SLC22A3: variants seen among roughly 807,000 people sequenced by gnomAD.
The protein encoded by SLC22A3 is EMT organic cation transporter 3.
SLC22A3 carries 51 observed loss-of-function variants against 59.1 expected under a neutral mutation model. The ratio of observed to expected loss-of-function variants is 0.86; its 90% CI spans 0.69 to 1.09. The LOEUF is 1.09. Ranked by LOEUF, SLC22A3 falls within the 50% of genes least tolerant of loss-of-function variation. The probability of loss-of-function intolerance (pLI) is 0.00; values close to 1 mark genes in which losing one functional copy is unlikely to be tolerated. For synonymous variants in SLC22A3, 325 were observed against 292.0 expected, an observed-to-expected ratio of 1.11 and a Z score of -1.15; for missense variants, 711 against 726.3, an observed-to-expected ratio of 0.98 and a Z score of 0.24.
In SLC22A3 at chr6:160,443,691, C is replaced by T; in HGVS notation, c.1459C>T (p.Leu487=). The change falls in exon 9 of 11, where the codon CTG becomes TTG. Residue 487 remains leucine (L), a synonymous_variant. Transcript: ENST00000275300. ...TTTTGGGGGAATCATAGCCCCATTT[C>T]TGCTCTTTCGGCTAGCAGCCGTGTG... is the stretch of plus-strand genomic sequence containing the variant. The part of the protein sequence containing the change: ...CDFGGIIAPF[L]LFRLAAVWLE... 2 of 1,613,920 alleles carry T rather than the reference C, an allele frequency of 1.2e-6. No individual in the cohort carries two copies. The highest frequency in any genetic ancestry group is 1.7e-6 in the Non-Finnish European group (2 of 1,179,892).
chr6:160,409,015 C>CTTTTTTTTTTTTTTT (rs201294592), intron 4 of SLC22A3, 94 bp downstream of exon 4: 1 of 560,642 alleles, frequency 1.8e-6, no homozygotes, highest in Non-Finnish European at 2.8e-6. Context: ...AGAAAATTTT[C>CTTTTTTTTTTTTTTT]TTTTTTTTTT....
chr6:160,353,212 C>A (rs1370991471), intron 1 of SLC22A3, among the ~76,000 whole-genome samples: 1 of 152,202 alleles, frequency 6.6e-6, no homozygotes, highest in Admixed American at 6.5e-5. Context: ...CAAACAGATT[C>A]ATGCAGCAAT....
chr6:160,416,998 A>G (rs913479309), intron 5 of SLC22A3, among the ~76,000 whole-genome samples: 1 of 152,248 alleles, frequency 6.6e-6, no homozygotes, highest in Non-Finnish European at 1.5e-5. Flanking sequence ...CTAAGTAAGC[A>G]TGAACTGCTA....
At chr6:160,433,638 T>C (rs1301326214) in intron 5 of SLC22A3, among the ~76,000 whole-genome samples, 1 of 151,970 alleles carries the variant, frequency 6.6e-6, no homozygotes, top group Non-Finnish European at 1.5e-5. Context: ...AGTCGGGAGG[T>C]TGAGGCTGTA....
In SLC22A3 at chr6:160,404,025, T is replaced by C. The variant is rs542366886; in HGVS notation, c.534-3016T>C. On this transcript the variant is annotated intron_variant, in intron 2 of 10. Transcript: ENST00000275300. ...GATCAGAAACAAGCCAAATATGTCA[T>C]CTCTAATAACTTCTTTTCAATGCCA... Among the ~76,000 whole-genome samples the C allele has an allele frequency of 1.3e-3, 196 of 152,088 alleles. 1 individual carries two copies. Among genetic ancestry groups the C allele is most frequent in the African/African-American group, 4.5e-3 (188 of 41,540 alleles).
At chr6:160,389,315 A>T (rs896387937) in intron 1 of SLC22A3, among the ~76,000 whole-genome samples, 7 of 152,140 alleles carry the variant, frequency 4.6e-5, no homozygotes, top group African/African-American at 1.7e-4. Flanking sequence ...CCAATCAATG[A>T]ACGAGTGTTT....
At chr6:160,384,122 G>T (rs1785902987) in intron 1 of SLC22A3, among the ~76,000 whole-genome samples, 1 of 152,132 alleles carries the variant, frequency 6.6e-6, no homozygotes, top group Admixed American at 6.5e-5. Context: ...TAGAGACGGG[G>T]TTTTCCCATG....
intron 9 of SLC22A3, among the ~76,000 whole-genome samples, chr6:160,445,198 C>A (rs1562505140): frequency 6.6e-6 from 1 of 152,190 alleles, no homozygotes; most frequent in Non-Finnish European, 1.5e-5. Flanking sequence ...CCCTTGACCC[C>A]TGAGTGGAAG....
chr6:160,380,222 C>T (rs919418692), intron 1 of SLC22A3, among the ~76,000 whole-genome samples: 53 of 152,206 alleles, frequency 3.5e-4, no homozygotes, highest in South Asian at 2.1e-4. Context: ...TATAAAACAA[C>T]TGGAATAATA....
Position 160,436,802 on chromosome 6 carries a change from T to C in SLC22A3, c.998T>C (p.Val333Ala). ...TAGATCACTGTTACAGATGAGGAAGTTAGTAATCCATCCTTTTTAGATCTG... is the reference window on the plus strand; with the variant it reads ...TAGATCACTGTTACAGATGAGGAAGCTAGTAATCCATCCTTTTTAGATCTG... ...YSEITVTDEE[V>A]SNPSFLDLVR... The change falls in exon 6 of 11, where the codon GTT becomes GCT. Residue 333 changes from valine (V) to alanine (A), a missense_variant. Transcript: ENST00000275300. 9 of 1,612,016 alleles carry C rather than the reference T, an allele frequency of 5.6e-6. No individual in the cohort carries two copies. Among genetic ancestry groups the C allele is most frequent in the Non-Finnish European group, 7.6e-6 (9 of 1,178,172 alleles).
At chr6:160,353,102 C>T (rs1784715767) in intron 1 of SLC22A3, among the ~76,000 whole-genome samples, 1 of 152,196 alleles carries the variant, frequency 6.6e-6, no homozygotes, top group African/African-American at 2.4e-5. Context: ...CCACTGCACC[C>T]AGCCTAATAG....
intron 9 of SLC22A3, among the ~76,000 whole-genome samples, chr6:160,444,345 C>A (rs1179314690): frequency 2.0e-5 from 3 of 152,062 alleles, no homozygotes; most frequent in East Asian, 3.8e-4. Context: ...AGGGTAAGAA[C>A]CTATCTCTAA....
chr6:160,445,299 G>A (rs1031308557), intron 9 of SLC22A3, among the ~76,000 whole-genome samples: 3 of 152,242 alleles, frequency 2.0e-5, no homozygotes, highest in South Asian at 2.1e-4. Context: ...AGAGGATGCC[G>A]CATCCTCAAG....
intron 7 of SLC22A3, among the ~76,000 whole-genome samples, chr6:160,438,579 AACAC>A (rs536527195): frequency 4.3e-5 from 4 of 92,086 alleles, no homozygotes; most frequent in African/African-American, 2.1e-4. Context: ...CAATATTCGG[AACAC>A]ACACACACAC....
rs775183429 is a variant in SLC22A3, at chr6:160,437,226, CA to C, written c.1288+16del. ...CTTACCAGAAGGTAATCTTACCCCA[CA>C]TCTGTTTGGCAGCCAAAGGACTTGA... is the stretch of plus-strand genomic sequence containing the variant. On this transcript the variant is annotated intron_variant, in intron 7 of 10. Coordinates refer to ENST00000275300, the MANE Select transcript of SLC22A3 (RefSeq NM_021977.4). 1.2e-6 allele frequency: 2 copies of C among 1,613,218 alleles called. No homozygotes were observed. Among genetic ancestry groups the C allele is most frequent in the East Asian group, 2.2e-5 (1 of 44,884 alleles).
chr6:160,415,257 T>A lies in SLC22A3; in HGVS notation c.975+4411T>A, dbSNP rs1787435699. Among the ~76,000 whole-genome samples the A allele has an allele frequency of 6.6e-6, 1 of 152,140 alleles. No individual in the cohort carries two copies. The highest frequency in any genetic ancestry group is 1.5e-5 in the Non-Finnish European group (1 of 68,030). Reference sequence around the variant, plus strand: ...GTTTTCCATCTCAAAGGTCCTTATGTCCCCACAAGCACCATCCTGAGCAGA... The same window carrying A: ...GTTTTCCATCTCAAAGGTCCTTATGACCCCACAAGCACCATCCTGAGCAGA... On this transcript the variant is annotated intron_variant, in intron 5 of 10. Coordinates refer to ENST00000275300, the MANE Select transcript of SLC22A3 (RefSeq NM_021977.4). This position sits in a 1 kb window ranked among gnomAD's most constrained non-coding sequence, Gnocchi z 4.1.
chr6:160,419,391 G>C (rs1234853413), intron 5 of SLC22A3, among the ~76,000 whole-genome samples: 1 of 152,060 alleles, frequency 6.6e-6, no homozygotes, highest in Non-Finnish European at 1.5e-5. Flanking sequence ...AACTTCCATG[G>C]AGCCCATCGG....
intron 1 of SLC22A3, among the ~76,000 whole-genome samples, chr6:160,396,429 AT>A (rs1419385218): frequency 1.3e-5 from 2 of 152,194 alleles, no homozygotes; most frequent in African/African-American, 2.4e-5. Flanking sequence ...AGTAAAAATA[AT>A]TTGGTGATAG....
intron 1 of SLC22A3, among the ~76,000 whole-genome samples, chr6:160,378,609 C>T (rs2114789911): frequency 6.6e-6 from 1 of 152,258 alleles, no homozygotes; most frequent in South Asian, 2.1e-4. Context: ...TATAGAGGCT[C>T]CTCGACTTAG....
Sources: allele counts gnomAD v4.1 joint callset (sites outside exome capture counted in the v4.1 genomes callset), GRCh38; gene constraint gnomAD v4.1.1; non-coding constraint Gnocchi (gnomAD v3.1); transcripts MANE v1.5; gene names NCBI Gene and HGNC (gene_info 2026-07-23, HGNC 2026-07-21).